Variants in PKM observed in about 807,000 individuals in gnomAD.
The protein encoded by PKM is pyruvate kinase PKM.
A neutral mutation model predicts 49.8 loss-of-function variants in PKM; 18 were observed. The observed-to-expected ratio is 0.36, with a 90% CI of 0.25 to 0.54. PKM has a LOEUF of 0.54. Ranked by LOEUF, PKM falls within the 20% of genes least tolerant of loss-of-function variation. The probability of loss-of-function intolerance (pLI) is 0.89; values close to 1 mark genes in which losing one functional copy is unlikely to be tolerated. For missense variants in PKM, 508 were observed against 713.8 expected, an observed-to-expected ratio of 0.71 and a Z score of 3.28; for synonymous variants, 239 against 261.8, an observed-to-expected ratio of 0.91 and a Z score of 0.84.
intron 8 of PKM, chr15:72,206,366 C>A: frequency 3.6e-6 from 1 of 281,172 alleles, no homozygotes; most frequent in Non-Finnish European, 6.9e-6. Flanking sequence ...CTCAGAACTT[C>A]TGACTCTGAG....
In PKM at chr15:72,230,996, C is replaced by T. The variant is rs778049908; in HGVS notation, c.-14+120G>A. The T allele has an allele frequency of 6.7e-5, 85 of 1,274,142 alleles. 2 individuals are homozygous for T. In the South Asian group the frequency reaches 8.3e-4, roughly 12 times the overall value. The allele number at this position is 1,274,142 out of a possible 1,614,324, so 78.9% of individuals were successfully genotyped here. On this transcript the variant is annotated intron_variant, in intron 1 of 10. Transcript: ENST00000335181. ...TCTGAGCTCCACTGCATCCCAGACG[C>T]CCTGGATCCTGCGCCGCCCTGCCTG...
intron 3 of PKM, among the ~76,000 whole-genome samples, chr15:72,212,474 G>A (rs1328588421): frequency 2.1e-5 from 3 of 144,874 alleles, no homozygotes; most frequent in South Asian, 4.5e-4. Context: ...GTGAGATTCC[G>A]TCTCTAAAAG....
chr15:72,228,546 G>A, intron 1 of PKM: 1 of 864,806 alleles, frequency 1.2e-6, no homozygotes, highest in Non-Finnish European at 1.7e-6. Context: ...TTTTAAGCCT[G>A]CAAGAACCAC....
rs527938650 is a variant in PKM at position 72,204,859 on chromosome 15, C to A, written c.1140+1869G>T. Among the ~76,000 whole-genome samples, 242 of 152,184 alleles carry A rather than the reference C, an allele frequency of 1.6e-3. 1 individual carries two copies. The highest frequency in any genetic ancestry group is 5.4e-3 in the African/African-American group (223 of 41,514). On this transcript the variant is annotated intron_variant, in intron 8 of 10. Coordinates refer to ENST00000335181, the MANE Select transcript of PKM (RefSeq NM_002654.6). ...CCTCCTTTGAGACCATGAAGTCACA[C>A]GATTAAGTAGGGAAATTAGAGAGAG...
In PKM at chr15:72,208,601, C is replaced by CA. The variant is rs756841781; in HGVS notation, c.836+19dup. The CA allele has an allele frequency of 6.2e-7, 1 of 1,613,792 alleles. No individual in the cohort carries two copies. Among genetic ancestry groups the CA allele is most frequent in the East Asian group, 2.2e-5 (1 of 44,872 alleles). On this transcript the variant is annotated intron_variant, in intron 6 of 10. Coordinates refer to ENST00000335181, the MANE Select transcript of PKM (RefSeq NM_002654.6). ...TCGGAGAGCTGCGCTGGGACTGGAG[C>CA]AGGGACAACGGGGACTTGCCTCCGA...
intron 8 of PKM, chr15:72,203,718 G>A (rs2082003388): frequency 1.2e-5 from 2 of 163,266 alleles, no homozygotes; most frequent in Non-Finnish European, 2.7e-5. Context: ...GAGCAGCGCT[G>A]GAAAGCTGGG....
At chr15:72,230,480 G>A (rs1055163137) in intron 1 of PKM, among the ~76,000 whole-genome samples, 5 of 152,178 alleles carry the variant, frequency 3.3e-5, no homozygotes, top group African/African-American at 1.2e-4. Context: ...GAGAGGGAGG[G>A]AGGGAGCGGA....
Position 72,199,599 on chromosome 15 carries a change from G to T in PKM, c.*51C>A. On this transcript the variant is annotated 3_prime_UTR_variant, in exon 11 of 11. Transcript: ENST00000335181. Reference sequence around the variant, plus strand: ...ACAAGCGTTGCTGGCCTAATGGATGGGCTGGGGGAAGGGGGTGGGACAGGG... The same window carrying T: ...ACAAGCGTTGCTGGCCTAATGGATGTGCTGGGGGAAGGGGGTGGGACAGGG... 1.5e-6 allele frequency: 2 copies of T among 1,304,084 alleles called. No homozygotes were observed. The highest frequency in any genetic ancestry group is 2.3e-5 in the East Asian group (1 of 43,240). The allele number at this position is 1,304,084 out of a possible 1,614,324, so 80.8% of individuals were successfully genotyped here.
intron 3 of PKM, 82 bp from the exon 4 acceptor site, chr15:72,210,560 A>G: frequency 1.3e-6 from 2 of 1,532,570 alleles, no homozygotes; most frequent in Non-Finnish European, 1.8e-6. Flanking sequence ...GCCAAAGCTG[A>G]TCACTCAGGA....
At position 72,210,269 on chromosome 15, in the gene PKM, A is replaced by G. The variant is rs1208652113; in HGVS notation, c.378+78T>C. On this transcript the variant is annotated intron_variant, in intron 4 of 10. Coordinates refer to ENST00000335181, the MANE Select transcript of PKM (RefSeq NM_002654.6). ...TCATAGTACTGGGAAGAAACATGGC[A>G]ACCCAGCGCTTTGGAGGACATGTCT... The G allele has an allele frequency of 2.7e-6, 4 of 1,499,378 alleles. No individual in the cohort carries two copies. The African/African-American group carries it at 5.5e-5, about 21-fold the overall frequency. 92.9% of individuals were successfully genotyped at this position (1,499,378 alleles called of 1,614,324 possible).
chr15:72,201,501 C>T (rs1448342400), intron 9 of PKM: 1 of 152,282 alleles, frequency 6.6e-6, no homozygotes, highest in Non-Finnish European at 1.5e-5. Flanking sequence ...GCAGAGAAGT[C>T]CCTGCACTTC....
At chr15:72,229,795 T>C in intron 1 of PKM, 1 of 765,872 alleles carries the variant, frequency 1.3e-6, no homozygotes, top group Non-Finnish European at 1.7e-6. Flanking sequence ...CCACACCGTT[T>C]GCGTTCAGTG....
intron 3 of PKM, among the ~76,000 whole-genome samples, chr15:72,213,497 C>A (rs2082304859): frequency 6.6e-6 from 1 of 152,244 alleles, no homozygotes; most frequent in Non-Finnish European, 1.5e-5. Context: ...GTGGCGCGAT[C>A]TTGGCTCACT....
intron 1 of PKM, among the ~76,000 whole-genome samples, chr15:72,226,654 C>G (rs2082678721): frequency 6.6e-6 from 1 of 152,262 alleles, no homozygotes; most frequent in African/African-American, 2.4e-5. Context: ...CAGCCAGCAG[C>G]TGTGCTGGTC....
At chr15:72,230,708 T>G (rs962159001) in intron 1 of PKM, among the ~76,000 whole-genome samples, 1 of 151,406 alleles carries the variant, frequency 6.6e-6, no homozygotes, top group African/African-American at 2.4e-5. Context: ...GGACCAGACT[T>G]AAGGAGGAAG....
chr15:72,200,728 ACAG>A lies in PKM; in HGVS notation c.1308-76_1308-74del. 7.6e-7 allele frequency: 1 copy of A among 1,310,306 alleles called. No homozygotes were observed. Among genetic ancestry groups the A allele is most frequent in the Non-Finnish European group, 1.1e-6 (1 of 926,284 alleles). 81.2% of individuals were successfully genotyped at this position (1,310,306 alleles called of 1,614,324 possible). Reference sequence around the variant, plus strand: ...CAGGAAGTACCCTCAGGGCGTTCAAACAGCTCACCCTCTCATCCAGCTCACTGA... The same window carrying A: ...CAGGAAGTACCCTCAGGGCGTTCAAACTCACCCTCTCATCCAGCTCACTGA... On this transcript the variant is annotated intron_variant, in intron 9 of 10. Transcript: ENST00000335181. This position sits in a 1 kb window ranked among gnomAD's most constrained non-coding sequence, Gnocchi z 4.6.
intron 8 of PKM, chr15:72,206,311 C>A: frequency 4.9e-6 from 1 of 204,084 alleles, no homozygotes. Flanking sequence ...AAGAGGGCAG[C>A]TGGGAGCAGG....
chr15:72,202,698 G>A lies in PKM; in HGVS notation c.1141-78C>T. The A allele has an allele frequency of 7.7e-7, 1 of 1,301,266 alleles. No individual in the cohort carries two copies. Among genetic ancestry groups the A allele is most frequent in the Non-Finnish European group, 1.1e-6 (1 of 916,818 alleles). 80.6% of individuals were successfully genotyped at this position (1,301,266 alleles called of 1,614,324 possible). A position where few individuals can be genotyped will look rare whatever the true frequency, so the allele number is the denominator to read the frequency against. ...GAGCTTTGTCACAAAAGGAGAGGGA[G>A]GGGAAGAGTCACCGGACAGCTGGTG... On this transcript the variant is annotated intron_variant, in intron 8 of 10. Transcript: ENST00000335181. This position sits in a 1 kb window ranked among gnomAD's most constrained non-coding sequence, Gnocchi z 4.5.
At chr15:72,208,444 A>G (rs2082141569) in intron 6 of PKM, among the ~76,000 whole-genome samples, 177 bp downstream of exon 6, 2 of 149,578 alleles carry the variant, frequency 1.3e-5, no homozygotes, top group Non-Finnish European at 2.9e-5. Flanking sequence ...CAAAAAAACA[A>G]AAACAAAAAA....
Sources: allele counts gnomAD v4.1 joint callset (sites outside exome capture counted in the v4.1 genomes callset), GRCh38; gene constraint gnomAD v4.1.1; non-coding constraint Gnocchi (gnomAD v3.1); transcripts MANE v1.5; gene names NCBI Gene and HGNC (gene_info 2026-07-23, HGNC 2026-07-21).